Variants in PTPRR observed in about 807,000 individuals in gnomAD.
PTPRR encodes the protein receptor-type tyrosine-protein phosphatase R.
In PTPRR, 38 loss-of-function variants were observed where a neutral mutation model predicts 77.2. The ratio of observed to expected loss-of-function variants is 0.49; its 90% confidence interval spans 0.38 to 0.65. The LOEUF is 0.65. Among genes scored for constraint, PTPRR ranks in the 30% least tolerant of loss-of-function variants. PTPRR has a pLI of 0.00. For synonymous variants in PTPRR, 299 were observed against 283.1 expected (o/e 1.06, Z -0.57); for missense variants, 744 against 799.2 (o/e 0.93, Z 0.83).
intron 2 of PTPRR, among the ~76,000 whole-genome samples, chr12:70,811,892 C>G (rs1891814299): frequency 6.6e-6 from 1 of 152,150 alleles, no homozygotes; most frequent in Non-Finnish European, 1.5e-5. Flanking sequence ...TTGCCTGATT[C>G]CAAAGCAGCC....
intron 2 of PTPRR, among the ~76,000 whole-genome samples, chr12:70,814,963 A>G (rs1891874534): frequency 1.3e-5 from 2 of 152,158 alleles, no homozygotes; most frequent in African/African-American, 4.8e-5. Context: ...AAGATTTAGG[A>G]AAATAAAACC....
At chr12:70,658,001 T>C (rs1886646220) in intron 12 of PTPRR, among the ~76,000 whole-genome samples, 1 of 152,174 alleles carries the variant, frequency 6.6e-6, no homozygotes, top group South Asian at 2.1e-4. Flanking sequence ...CTTAATTATA[T>C]CATTCCCTAC....
At chr12:70,718,817 C>A (rs766548943) in intron 6 of PTPRR, among the ~76,000 whole-genome samples, 1 of 152,170 alleles carries the variant, frequency 6.6e-6, no homozygotes, top group Non-Finnish European at 1.5e-5. Flanking sequence ...CATAAATTTA[C>A]AGATTGAAAC....
chr12:70,762,140 C>G (rs937071124), intron 3 of PTPRR, among the ~76,000 whole-genome samples: 3 of 152,106 alleles, frequency 2.0e-5, no homozygotes, highest in Non-Finnish European at 4.4e-5. Context: ...CTGTTCTTCA[C>G]GTCAAATATG....
chr12:70,732,639 C>T (rs1020134082), intron 6 of PTPRR, among the ~76,000 whole-genome samples: 5 of 152,158 alleles, frequency 3.3e-5, no homozygotes, highest in Non-Finnish European at 7.3e-5. Context: ...CAGCTCATTG[C>T]GACCTCCGCA....
intron 1 of PTPRR, among the ~76,000 whole-genome samples, chr12:70,913,526 T>G (rs1012921036): frequency 6.6e-6 from 1 of 152,274 alleles, no homozygotes; most frequent in African/African-American, 2.4e-5. Flanking sequence ...TATCTAACTC[T>G]TTGAGCTCTT....
intron 1 of PTPRR, among the ~76,000 whole-genome samples, chr12:70,916,148 G>T (rs1012074665): frequency 1.3e-5 from 2 of 152,052 alleles, no homozygotes; most frequent in African/African-American, 2.4e-5. Flanking sequence ...TCTGGGTGAT[G>T]GGGGGAAGGG....
intron 11 of PTPRR, among the ~76,000 whole-genome samples, chr12:70,662,089 T>C (rs1215703080): frequency 6.6e-6 from 1 of 152,196 alleles, no homozygotes; most frequent in Admixed American, 6.5e-5. Context: ...TGCTTCCCAC[T>C]GCCACCCACA....
intron 10 of PTPRR, chr12:70,664,523 C>A (rs118008672): frequency 6.6e-6 from 1 of 152,206 alleles, no homozygotes; most frequent in Non-Finnish European, 1.5e-5. Flanking sequence ...CCATTGTCCA[C>A]GATCAGACCT....
chr12:70,779,662 A>C (rs547340940), intron 2 of PTPRR, among the ~76,000 whole-genome samples: 1 of 152,324 alleles, frequency 6.6e-6, no homozygotes, highest in African/African-American at 2.4e-5. Flanking sequence ...TGTCTCCTCA[A>C]GACCCAAAAC....
chr12:70,680,290 T>C (rs1258527505), intron 10 of PTPRR, among the ~76,000 whole-genome samples: 1 of 152,204 alleles, frequency 6.6e-6, no homozygotes, highest in Non-Finnish European at 1.5e-5. Flanking sequence ...GATGGTGTCA[T>C]GTTTCTTTGC....
chr12:70,754,044 G>A (rs1258771406), intron 5 of PTPRR, 147 bp downstream of exon 5: 2 of 782,054 alleles, frequency 2.6e-6, no homozygotes, highest in Non-Finnish European at 4.0e-6. Flanking sequence ...TCGCTCTGAT[G>A]TCAGATATGA....
At chr12:70,725,491 T>TC (rs553091002) in intron 6 of PTPRR, among the ~76,000 whole-genome samples, 597 of 151,886 alleles carry the variant, frequency 3.9e-3, no homozygotes, top group Non-Finnish European at 6.5e-3. Context: ...GAAATAGAAG[T>TC]CCCCCCACCT....
chr12:70,813,664 G>A (rs543298544), intron 2 of PTPRR, among the ~76,000 whole-genome samples: 25 of 152,316 alleles, frequency 1.6e-4, no homozygotes, highest in African/African-American at 5.5e-4. Flanking sequence ...ATCCTTGAGA[G>A]GAGGAAATAG....
intron 2 of PTPRR, among the ~76,000 whole-genome samples, chr12:70,834,226 A>G (rs907446278): frequency 2.0e-5 from 3 of 152,172 alleles, no homozygotes; most frequent in African/African-American, 7.2e-5. Context: ...TCTTTAAAAA[A>G]TGTTTTATTC....
At position 70,700,998 on chromosome 12, in the gene PTPRR, A is replaced by C. The variant is rs545546996; in HGVS notation, c.1194+139T>G. 86 of 828,826 alleles carry C rather than the reference A, an allele frequency of 1.0e-4. No individual in the cohort carries two copies. The African/African-American group carries it at 1.4e-3, about 14-fold the overall frequency. The allele number at this position is 828,826 out of a possible 1,614,324, so 51.3% of individuals were successfully genotyped here. A position where few individuals can be genotyped will look rare whatever the true frequency, so the allele number is the denominator to read the frequency against. ...TACTTATCAATAGTGGATGAGACTG[A>C]GTGAATCTAAAACCATTTCACTTTG... On this transcript the variant is annotated intron_variant, in intron 7 of 13. Transcript: ENST00000283228.
chr12:70,653,686 AT>A (rs1886476168), intron 13 of PTPRR, among the ~76,000 whole-genome samples: 1 of 152,214 alleles, frequency 6.6e-6, no homozygotes, highest in Non-Finnish European at 1.5e-5. Flanking sequence ...CATAGGTCAT[AT>A]CATCTTTTCA....
At chr12:70,868,310 G>C (rs58098994) in intron 2 of PTPRR, among the ~76,000 whole-genome samples, 2,144 of 149,958 alleles carry the variant, frequency 0.014, 57 homozygotes, top group African/African-American at 0.049. Context: ...CTAATATCCA[G>C]AATCTACAAT....
intron 2 of PTPRR, among the ~76,000 whole-genome samples, chr12:70,808,599 C>T (rs917662834): frequency 1.9e-4 from 29 of 152,178 alleles, no homozygotes; most frequent in East Asian, 3.9e-4. Flanking sequence ...GTTGAATTAT[C>T]GGAGGCAGTT....
Sources: allele counts gnomAD v4.1 joint callset (sites outside exome capture counted in the v4.1 genomes callset), GRCh38; gene constraint gnomAD v4.1.1; transcripts MANE v1.5; gene names NCBI Gene and HGNC (gene_info 2026-07-23, HGNC 2026-07-21).